Variants in LRRC2 observed in about 807,000 individuals in gnomAD.
LRRC2 encodes the protein leucine rich repeat containing 2.
In LRRC2, 27 loss-of-function variants were observed where a neutral mutation model predicts 40.2. The observed-to-expected ratio is 0.67, with a 90% CI of 0.49 to 0.93. The LOEUF is 0.93. LRRC2 is among the 40% of genes least tolerant of loss of function. The pLI is 0.00. For missense variants in LRRC2, 402 were observed against 439.6 expected, an observed-to-expected ratio of 0.91 and a Z score of 0.76; for synonymous variants, 147 against 158.9, an observed-to-expected ratio of 0.92 and a Z score of 0.56.
intron 8 of LRRC2, among the ~76,000 whole-genome samples, chr3:46,521,214 CA>C (rs1703958143): frequency 6.6e-6 from 1 of 152,142 alleles, no homozygotes; most frequent in African/African-American, 2.4e-5. Context: ...ACTATTTTGT[CA>C]ATATCGTTTA....
chr3:46,529,285 A>G (rs1021567153), intron 6 of LRRC2, among the ~76,000 whole-genome samples: 2 of 152,050 alleles, frequency 1.3e-5, no homozygotes, highest in South Asian at 2.1e-4. Flanking sequence ...AGCTGCAAGA[A>G]TATAATTTGG....
At chr3:46,522,816 AG>A (rs1703990667) in intron 7 of LRRC2, among the ~76,000 whole-genome samples, 1 of 135,478 alleles carries the variant, frequency 7.4e-6, no homozygotes, top group African/African-American at 2.7e-5. Flanking sequence ...CACAAGCTAA[AG>A]GGGGGAAACC....
chr3:46,550,232 G>C (rs937485479), intron 2 of LRRC2, among the ~76,000 whole-genome samples: 1 of 152,088 alleles, frequency 6.6e-6, no homozygotes, highest in Non-Finnish European at 1.5e-5. Flanking sequence ...CTGCAAATTA[G>C]GGATGGTGGT....
intron 5 of LRRC2, among the ~76,000 whole-genome samples, chr3:46,531,182 A>T (rs1482515989): frequency 3.4e-5 from 5 of 146,892 alleles, no homozygotes; most frequent in African/African-American, 5.0e-5. Flanking sequence ...ATGGCGTTTC[A>T]CTCTGTCACA....
At chr3:46,524,377 C>T (rs1235220933) in intron 7 of LRRC2, among the ~76,000 whole-genome samples, 1 of 152,196 alleles carries the variant, frequency 6.6e-6, no homozygotes, top group Non-Finnish European at 1.5e-5. Flanking sequence ...ACAGAGTGGT[C>T]TGCCCATTGT....
At chr3:46,560,167 A>C (rs1704902954) in intron 1 of LRRC2, among the ~76,000 whole-genome samples, 1 of 152,190 alleles carries the variant, frequency 6.6e-6, no homozygotes, top group Admixed American at 6.5e-5. Flanking sequence ...GTAGTAGTTC[A>C]TGGGTGGGTT....
chr3:46,562,800 C>A (rs1704973692), intron 1 of LRRC2, among the ~76,000 whole-genome samples: 1 of 151,476 alleles, frequency 6.6e-6, no homozygotes, highest in Non-Finnish European at 1.5e-5. Flanking sequence ...ACAATCTCAG[C>A]TCACTGCAAA....
intron 1 of LRRC2, among the ~76,000 whole-genome samples, chr3:46,555,504 C>G (rs1704771689): frequency 6.6e-6 from 1 of 151,768 alleles, no homozygotes; most frequent in African/African-American, 2.4e-5. Flanking sequence ...ATATATTTTA[C>G]TATGTCTCTT....
chr3:46,526,055 C>A (rs1256358447), intron 7 of LRRC2, among the ~76,000 whole-genome samples: 2 of 151,894 alleles, frequency 1.3e-5, no homozygotes, highest in African/African-American at 4.8e-5. Flanking sequence ...CGGTTTCAAG[C>A]GATTCTCCTG....
In LRRC2 at chr3:46,531,436, G is replaced by A. The variant is rs138172001; in HGVS notation, c.627+1337C>T. Among the ~76,000 whole-genome samples, 97 of 152,276 alleles carry A rather than the reference G, an allele frequency of 6.4e-4. 1 individual carries two copies. Among genetic ancestry groups the A allele is most frequent in the African/African-American group, 2.2e-3 (90 of 41,556 alleles). On this transcript the variant is annotated intron_variant, in intron 5 of 8. Transcript: ENST00000395905. ...AAGGGGCAGAGAAGCAAACAGGGAG[G>A]CTGTTGCCCCATTCCAGATGACAGA...
chr3:46,563,162 T>C (rs1343104617), intron 1 of LRRC2, among the ~76,000 whole-genome samples: 1 of 152,090 alleles, frequency 6.6e-6, no homozygotes, highest in Non-Finnish European at 1.5e-5. Flanking sequence ...AGGGCATGCA[T>C]TTCTCACCAC....
chr3:46,519,110 A>G, intron 8 of LRRC2, 47 bp from the exon 9 acceptor site: 3 of 1,310,550 alleles, frequency 2.3e-6, no homozygotes, highest in Non-Finnish European at 3.3e-6. Context: ...CCATTTTATT[A>G]TGAAATCTAG....
chr3:46,523,504 A>C (rs2106978848), intron 7 of LRRC2, among the ~76,000 whole-genome samples: 1 of 152,250 alleles, frequency 6.6e-6, no homozygotes, highest in East Asian at 1.9e-4. Flanking sequence ...TTTACCTACT[A>C]TTTTACTTTT....
chr3:46,544,067 C>CCATAAAAGTGATATGCATTTTTATCA (rs1553613337), intron 3 of LRRC2, among the ~76,000 whole-genome samples: 5 of 151,964 alleles, frequency 3.3e-5, no homozygotes, highest in South Asian at 2.1e-4. Flanking sequence ...TGATAAAAAC[C>CCATAAAAGTGATATGCATTTTTATCA]ACCTCGGATC....
At chr3:46,560,721 A>G (rs978513317) in intron 1 of LRRC2, among the ~76,000 whole-genome samples, 7 of 152,282 alleles carry the variant, frequency 4.6e-5, no homozygotes, top group African/African-American at 1.4e-4. Context: ...TAGCAGAATT[A>G]TGAGAACAAG....
At position 46,518,364 on chromosome 3, in the gene LRRC2, C is replaced by CTT. The variant is rs1256014285; in HGVS notation, c.*648_*649dup. ...CACAATCCCTTTATCTTTTTCTTTTCTTTTTTTTTTTTTTTGAGACAGAGT... is the reference window on the plus strand; with the variant it reads ...CACAATCCCTTTATCTTTTTCTTTTCTTTTTTTTTTTTTTTTTGAGACAGAGT... On this transcript the variant is annotated 3_prime_UTR_variant, in exon 9 of 9. Coordinates refer to ENST00000395905, the MANE Select transcript of LRRC2 (RefSeq NM_024512.5). 15 of 141,416 alleles carry CTT rather than the reference C, an allele frequency of 1.1e-4. No individual in the cohort carries two copies. The highest frequency in any genetic ancestry group is 4.5e-4 in the South Asian group (2 of 4,408). 8.8% of individuals were successfully genotyped at this position (141,416 alleles called of 1,614,324 possible).
chr3:46,525,961 T>C (rs1022726555), intron 7 of LRRC2, among the ~76,000 whole-genome samples: 2 of 152,090 alleles, frequency 1.3e-5, no homozygotes, highest in African/African-American at 4.8e-5. Context: ...TGTTTCTTTT[T>C]TTTTCTTTTT....
At chr3:46,544,999 A>G in intron 3 of LRRC2, 47 bp downstream of exon 3, 1 of 1,543,096 alleles carries the variant, frequency 6.5e-7, no homozygotes, top group South Asian at 1.1e-5. Context: ...GGCGAGCAGC[A>G]GTCATCGACC....
intron 1 of LRRC2, among the ~76,000 whole-genome samples, chr3:46,556,429 AT>A (rs958904352): frequency 7.9e-5 from 12 of 151,230 alleles, no homozygotes; most frequent in Admixed American, 5.9e-4. Context: ...ACCTGGAAAA[AT>A]TTTTTCGTCT....
Sources: allele counts gnomAD v4.1 joint callset (sites outside exome capture counted in the v4.1 genomes callset), GRCh38; gene constraint gnomAD v4.1.1; transcripts MANE v1.5; gene names NCBI Gene and HGNC (gene_info 2026-07-23, HGNC 2026-07-21).